The following BTD variants were observed in gnomAD, a reference collection of about 807,000 sequenced individuals.
BTD encodes the protein biocytinase.
A neutral mutation model predicts 17.7 loss-of-function variants in BTD; 13 were observed. That is an observed-to-expected ratio of 0.74 (90% CI 0.48 to 1.17). The LOEUF (loss-of-function observed/expected upper bound fraction) is 1.17, where lower values mean the gene tolerates loss of function less well. BTD is among the 50% of genes most tolerant of loss of function. The pLI, the probability that BTD is intolerant of heterozygous loss-of-function variation, is 0.00. For synonymous variants in BTD, 240 were observed against 245.2 expected, an observed-to-expected ratio of 0.98 and a Z score of 0.20; for missense variants, 674 against 650.4, an observed-to-expected ratio of 1.04 and a Z score of -0.39.
At chr3:15,639,487 T>C (rs2065442683) in intron 2 of BTD, among the ~76,000 whole-genome samples, 1 of 152,210 alleles carries the variant, frequency 6.6e-6, no homozygotes, top group Non-Finnish European at 1.5e-5. Flanking sequence ...CCAGTGATTG[T>C]TGAAATGAAT....
chr3:15,720,963 TGC>T, intron 4 of BTD: 1 of 1,613,926 alleles, frequency 6.2e-7, no homozygotes, highest in Non-Finnish European at 8.5e-7. Context: ...CTAAACACAA[TGC>T]TCCATGTGTT....
intron 3 of BTD, chr3:15,696,143 A>G: frequency 2.5e-6 from 4 of 1,573,780 alleles, no homozygotes; most frequent in Non-Finnish European, 3.5e-6. Flanking sequence ...CCAGCTGAAG[A>G]CATAGACGGT....
chr3:15,693,345 G>T (rs970015404), intron 3 of BTD, among the ~76,000 whole-genome samples: 2 of 151,986 alleles, frequency 1.3e-5, no homozygotes, highest in African/African-American at 4.8e-5. Flanking sequence ...GAGAGAGAGA[G>T]AGAGACCGAC....
chr3:15,612,611 GT>G (rs1382065750), intron 1 of BTD, among the ~76,000 whole-genome samples: 2 of 151,082 alleles, frequency 1.3e-5, no homozygotes, highest in East Asian at 3.9e-4. Context: ...TCTTTCTTGA[GT>G]TTTGCTATCT....
At position 15,635,703 on chromosome 3, in the gene BTD, C is replaced by G; in HGVS notation, c.249+15C>G. The G allele has an allele frequency of 1.2e-6, 2 of 1,613,978 alleles. No homozygotes were observed. Among genetic ancestry groups the G allele is most frequent in the Non-Finnish European group, 1.7e-6 (2 of 1,179,954 alleles). The stretch of plus-strand genomic sequence containing the variant: ...CAGCCCAAAAGGCAAGAATGCTCCT[C>G]GGAACCTGAGTTTCTCTCATACAGA... On this transcript the variant is annotated intron_variant, in intron 2 of 3. Coordinates refer to ENST00000643237, the MANE Select transcript of BTD (RefSeq NM_001370658.1). The surrounding 1 kb of genome is among the most constrained non-coding windows in gnomAD (Gnocchi z 4.1).
chr3:15,722,448 G>A (rs780773291), downstream of BTD, among the ~76,000 whole-genome samples: 6 of 152,160 alleles, frequency 3.9e-5, no homozygotes, highest in Non-Finnish European at 7.4e-5. Context: ...TCTATCCTAT[G>A]TGTCTCTTCC....
intron 2 of BTD, among the ~76,000 whole-genome samples, chr3:15,640,384 GT>G (rs528879553): frequency 0.018 from 2,654 of 143,766 alleles, 72 homozygotes; most frequent in African/African-American, 0.059. Context: ...ATTTTTGAAA[GT>G]TTTTTTTTTT....
intron 1 of BTD, among the ~76,000 whole-genome samples, chr3:15,618,429 T>C (rs941289293): frequency 3.9e-5 from 6 of 152,250 alleles, no homozygotes; most frequent in African/African-American, 1.4e-4. Context: ...AACAGAGTTT[T>C]GTAGTTTTTT....
chr3:15,638,649 C>T (rs569612901), intron 2 of BTD, among the ~76,000 whole-genome samples: 2 of 152,220 alleles, frequency 1.3e-5, no homozygotes, highest in Admixed American at 6.5e-5. Context: ...AATTGAAATA[C>T]AGTCATGCAT....
chr3:15,711,012 T>A (rs1402157319), exon 4 of BTD, among the ~76,000 whole-genome samples: 1 of 152,102 alleles, frequency 6.6e-6, no homozygotes, highest in Non-Finnish European at 1.5e-5. Flanking sequence ...TCTCTCTCTC[T>A]CTCACTCATA....
chr3:15,611,568 A>T (rs989740516), intron 1 of BTD, among the ~76,000 whole-genome samples: 1 of 152,026 alleles, frequency 6.6e-6, no homozygotes, highest in African/African-American at 2.4e-5. Context: ...AATGGGAGGG[A>T]ATGATTGTTT....
chr3:15,672,992 T>C (rs1397839773), intron 3 of BTD, among the ~76,000 whole-genome samples: 4 of 149,574 alleles, frequency 2.7e-5, no homozygotes, highest in Admixed American at 6.7e-5. Flanking sequence ...GCGGGGCTGG[T>C]CTCGAACTCC....
intron 3 of BTD, among the ~76,000 whole-genome samples, chr3:15,665,403 T>A (rs1575043429): frequency 1.3e-5 from 2 of 152,062 alleles, no homozygotes; most frequent in African/African-American, 4.8e-5. Flanking sequence ...AAGAGGTTGG[T>A]TTTCTACCTT....
chr3:15,705,366 A>G (rs1325481945), intron 3 of BTD, among the ~76,000 whole-genome samples: 1 of 152,156 alleles, frequency 6.6e-6, no homozygotes, highest in Non-Finnish European at 1.5e-5. Flanking sequence ...CATTTGTCTA[A>G]GGGCAGAAGG....
chr3:15,626,224 T>G (rs2065062618), intron 1 of BTD, among the ~76,000 whole-genome samples: 1 of 152,238 alleles, frequency 6.6e-6, no homozygotes, highest in Non-Finnish European at 1.5e-5. Context: ...ACCACTATTT[T>G]GAGTGTGGTT....
chr3:15,639,076 T>C (rs914587136), intron 2 of BTD, among the ~76,000 whole-genome samples: 10 of 152,240 alleles, frequency 6.6e-5, no homozygotes, highest in African/African-American at 2.4e-4. Context: ...GATTGTAACC[T>C]TCATTCCTCA....
intron 1 of BTD, among the ~76,000 whole-genome samples, chr3:15,632,096 GCAGACC>G (rs1553651498): frequency 6.6e-6 from 1 of 152,034 alleles, no homozygotes; most frequent in Non-Finnish European, 1.5e-5. Flanking sequence ...CTCTCACCTC[GCAGACC>G]CACGTGATTT....
At position 15,646,956 on chromosome 3, in the gene BTD, G is replaced by A. The variant is rs2065707910; in HGVS notation, c.*1468G>A. ...CCTCACTGGGGAGACCTTGGGCCTC[G>A]GTTTTTTATTCATAGAATGCATGTT... On this transcript the variant is annotated 3_prime_UTR_variant, in exon 4 of 4. Transcript: ENST00000643237. The A allele has an allele frequency of 6.6e-6, 1 of 152,102 alleles. No homozygotes were observed. The highest frequency in any genetic ancestry group is 1.5e-5 in the Non-Finnish European group (1 of 68,010). 9.4% of individuals were successfully genotyped at this position (152,102 alleles called of 1,614,324 possible).
chr3:15,714,480 G>T (rs992064513), downstream of BTD: 8 of 817,742 alleles, frequency 9.8e-6, no homozygotes, highest in Admixed American at 1.9e-4. Flanking sequence ...CACAAAATGC[G>T]ATGACAATTC....
Sources: gnomAD v4.1 joint callset for allele counts (sites outside exome capture counted in the v4.1 genomes callset) on GRCh38, gnomAD v4.1.1 for gene constraint, Gnocchi (gnomAD v3.1) non-coding constraint, MANE v1.5 for transcripts, NCBI Gene and HGNC (gene_info 2026-07-23, HGNC 2026-07-21) for gene names.